Variants in CMTM8 observed in about 807,000 individuals in gnomAD.
The protein encoded by CMTM8 is CKLF-like MARVEL transmembrane domain-containing protein 8.
CMTM8 carries 12 observed loss-of-function variants against 18.6 expected under a neutral mutation model. The observed-to-expected ratio is 0.65, with a 90% CI of 0.41 to 1.05. CMTM8 has a LOEUF of 1.05. CMTM8 is among the 50% of genes least tolerant of loss of function. The probability of loss-of-function intolerance (pLI) is 0.00; values close to 1 mark genes in which losing one functional copy is unlikely to be tolerated. For synonymous variants in CMTM8, 87 were observed against 90.6 expected, an observed-to-expected ratio of 0.96 and a Z score of 0.23; for missense variants, 217 against 227.2, an observed-to-expected ratio of 0.95 and a Z score of 0.29.
intron 1 of CMTM8, chr3:32,259,604 G>A (rs76832067): frequency 0.042 from 49,546 of 1,167,692 alleles, 4,649 homozygotes; most frequent in East Asian, 0.41. Flanking sequence ...GGAAGTAAAA[G>A]GCCTACAAGC....
rs1001418407 is a variant in CMTM8 at position 32,263,785 on chromosome 3, G to A, written c.147+24666G>A. ...CTCATGGAGCTGAAAACCACGGCAC[G>A]AGAACTACGTGACGAATGCACAAGC... On this transcript the variant is annotated intron_variant, in intron 1 of 3. Coordinates refer to ENST00000307526, the MANE Select transcript of CMTM8 (RefSeq NM_178868.5). Among the ~76,000 whole-genome samples, 11 of 152,184 alleles carry A rather than the reference G, an allele frequency of 7.2e-5. No homozygotes were observed. The South Asian group carries it at 1.7e-3, about 23-fold the overall frequency.
At chr3:32,347,896 C>G (rs966730549) in intron 1 of CMTM8, among the ~76,000 whole-genome samples, 1 of 152,106 alleles carries the variant, frequency 6.6e-6, no homozygotes, top group African/African-American at 2.4e-5. Flanking sequence ...GGCTGTCTTT[C>G]GAGTCACTCT....
intron 1 of CMTM8, among the ~76,000 whole-genome samples, chr3:32,253,235 C>T (rs1702136930): frequency 6.6e-6 from 1 of 152,120 alleles, no homozygotes; most frequent in South Asian, 2.1e-4. Context: ...TGGCTATGTG[C>T]ATATGTAAAA....
intron 1 of CMTM8, among the ~76,000 whole-genome samples, chr3:32,306,837 G>A (rs1428804146): frequency 6.6e-6 from 1 of 152,122 alleles, no homozygotes; most frequent in East Asian, 1.9e-4. Context: ...TGGAAGAGAC[G>A]GGTACTACAT....
chr3:32,261,632 G>A (rs1222511801), intron 1 of CMTM8, among the ~76,000 whole-genome samples: 3 of 152,230 alleles, frequency 2.0e-5, no homozygotes, highest in African/African-American at 2.4e-5. Flanking sequence ...CCATTTAAAG[G>A]GTTTTCACGT....
intron 1 of CMTM8, among the ~76,000 whole-genome samples, chr3:32,348,058 A>T (rs920724020): frequency 6.6e-6 from 1 of 152,040 alleles, no homozygotes; most frequent in Non-Finnish European, 1.5e-5. Flanking sequence ...TTGGTGAGTC[A>T]TGTCCTTCAG....
intron 1 of CMTM8, among the ~76,000 whole-genome samples, chr3:32,245,956 C>T (rs114652150): frequency 1.7e-3 from 255 of 152,236 alleles, no homozygotes; most frequent in African/African-American, 5.7e-3. Flanking sequence ...ACTGGGTTTA[C>T]AGGTATGCAC....
chr3:32,369,368 A>C (rs955001103), intron 3 of CMTM8, among the ~76,000 whole-genome samples: 24 of 152,114 alleles, frequency 1.6e-4, no homozygotes, highest in African/African-American at 5.6e-4. Context: ...TAAAAATCAC[A>C]AGCTTCGTCA....
At chr3:32,364,348 C>T (rs1489693345) in intron 2 of CMTM8, among the ~76,000 whole-genome samples, 1 of 152,026 alleles carries the variant, frequency 6.6e-6, no homozygotes, top group Admixed American at 6.6e-5. Context: ...ACTAAAAATA[C>T]AAAAAATTAG....
chr3:32,367,198 G>A (rs1697055163), intron 2 of CMTM8, among the ~76,000 whole-genome samples: 1 of 152,138 alleles, frequency 6.6e-6, no homozygotes, highest in African/African-American at 2.4e-5. Flanking sequence ...AGCTTTGCAT[G>A]GTTTCCTATG....
At position 32,369,933 on chromosome 3, in the gene CMTM8, G is replaced by C. The variant is rs757877815; in HGVS notation, c.488G>C (p.Ser163Thr). Reference sequence around the variant, plus strand: ...TGCTACGCTGGAAATACATATTTCAGTTTTATAGCATGGAGATCCAGGACC... The same window carrying C: ...TGCTACGCTGGAAATACATATTTCACTTTTATAGCATGGAGATCCAGGACC... The part of the protein sequence containing the change: ...TICYAGNTYF[S>T]FIAWRSRTIQ The change falls in exon 4 of 4, where the codon AGT becomes ACT. Residue 163 changes from serine (S) to threonine (T), a missense_variant. Ser to Thr is a moderately conservative substitution (Grantham distance 58, BLOSUM62 1). Transcript: ENST00000307526. The C allele has an allele frequency of 8.7e-6, 14 of 1,608,336 alleles. No homozygotes were observed. The highest frequency in any genetic ancestry group is 3.3e-4 in the Middle Eastern group (2 of 6,044).
chr3:32,293,372 G>A (rs145720681), intron 1 of CMTM8, among the ~76,000 whole-genome samples: 53 of 152,270 alleles, frequency 3.5e-4, no homozygotes, highest in East Asian at 2.5e-3. Flanking sequence ...CCAACATGGC[G>A]AAACCCCATC....
At chr3:32,287,202 T>C (rs544059313) in intron 1 of CMTM8, among the ~76,000 whole-genome samples, 1 of 152,356 alleles carries the variant, frequency 6.6e-6, no homozygotes, top group Non-Finnish European at 1.5e-5. Context: ...ATCATTTTTA[T>C]TGGGCACCTT....
chr3:32,247,226 C>G (rs183771596), intron 1 of CMTM8, among the ~76,000 whole-genome samples: 1 of 152,130 alleles, frequency 6.6e-6, no homozygotes, highest in Non-Finnish European at 1.5e-5. Flanking sequence ...GATATAATTA[C>G]ATATAAAATT....
intron 1 of CMTM8, chr3:32,259,140 G>A: frequency 4.8e-6 from 2 of 420,108 alleles, no homozygotes; most frequent in Non-Finnish European, 4.6e-6. Flanking sequence ...CCGGGGACCT[G>A]GCCGCAGGGA....
intron 1 of CMTM8, among the ~76,000 whole-genome samples, chr3:32,351,747 T>C (rs1696713935): frequency 6.6e-6 from 1 of 151,414 alleles, no homozygotes; most frequent in African/African-American, 2.4e-5. Flanking sequence ...AAAACTTCCA[T>C]AGACAAAAGA....
intron 1 of CMTM8, among the ~76,000 whole-genome samples, chr3:32,307,861 C>A (rs190063215): frequency 6.6e-6 from 1 of 152,270 alleles, no homozygotes; most frequent in East Asian, 1.9e-4. Context: ...TGGGACCACA[C>A]TTTGAGAGCC....
In CMTM8 at chr3:32,253,409, A is replaced by G. The variant is rs544315712; in HGVS notation, c.147+14290A>G. On this transcript the variant is annotated intron_variant, in intron 1 of 3. Transcript: ENST00000307526. ...CCCAGGCTGGAGTGCAGTTGGCGCAATCTTGGCCCACTGCAACCTTTGCCT... is the reference window on the plus strand; with the variant it reads ...CCCAGGCTGGAGTGCAGTTGGCGCAGTCTTGGCCCACTGCAACCTTTGCCT... Among the ~76,000 whole-genome samples the G allele has an allele frequency of 7.3e-5, 11 of 149,864 alleles. No individual in the cohort carries two copies. In the East Asian group the frequency reaches 1.2e-3, roughly 16 times the overall value.
intron 1 of CMTM8, among the ~76,000 whole-genome samples, chr3:32,319,147 C>T (rs1423806851): frequency 7.3e-6 from 1 of 137,556 alleles, no homozygotes; most frequent in Non-Finnish European, 1.5e-5. Context: ...GGCACAATCT[C>T]AGCTCACTGC....
Sources: gnomAD v4.1 joint callset for allele counts (sites outside exome capture counted in the v4.1 genomes callset) on GRCh38, gnomAD v4.1.1 for gene constraint, MANE v1.5 for transcripts, NCBI Gene and HGNC (gene_info 2026-07-23, HGNC 2026-07-21) for gene names.